Variants in ARSG observed in about 807,000 individuals in gnomAD.
ARSG encodes the protein ASG.
Under a neutral mutation model 50.5 loss-of-function variants are expected in ARSG, and 37 were observed. The observed-to-expected ratio is 0.73, with a 90% confidence interval of 0.56 to 0.96. The LOEUF (loss-of-function observed/expected upper bound fraction) is 0.96. Ranked by LOEUF, ARSG falls within the 50% of genes least tolerant of loss-of-function variation. The pLI, the probability that ARSG is intolerant of heterozygous loss-of-function variation, is 0.00. For missense variants in ARSG, 629 were observed against 675.3 expected (o/e 0.93, Z 0.76); for synonymous variants, 225 against 254.6 (o/e 0.88, Z 1.11).
At chr17:68,292,312 G>A (rs1337578488) in intron 1 of ARSG, among the ~76,000 whole-genome samples, 4 of 152,172 alleles carry the variant, frequency 2.6e-5, no homozygotes, top group Non-Finnish European at 5.9e-5. Context: ...TAAGGGACCT[G>A]GAGGTTTAGA....
At chr17:68,346,784 C>T (rs900136641) in intron 3 of ARSG, 19 of 1,309,838 alleles carry the variant, frequency 1.5e-5, no homozygotes, top group African/African-American at 3.0e-5. Context: ...GGCCCCAGCG[C>T]GGGAGGGCAA....
chr17:68,445,210 G>A, the ARSG span, among the ~76,000 whole-genome samples: 4 of 152,156 alleles, frequency 2.6e-5, no homozygotes, highest in South Asian at 2.1e-4. Flanking sequence ...CTGAGCCACC[G>A]CGTTCAACAG....
chr17:68,297,242 A>G (rs1319588225), intron 1 of ARSG, among the ~76,000 whole-genome samples: 2 of 152,200 alleles, frequency 1.3e-5, no homozygotes, highest in African/African-American at 4.8e-5. Context: ...CACGCATCCT[A>G]CATCTTGACC....
intron 1 of ARSG, among the ~76,000 whole-genome samples, chr17:68,297,365 G>C (rs1202002692): frequency 1.3e-5 from 2 of 152,208 alleles, no homozygotes; most frequent in African/African-American, 4.8e-5. Flanking sequence ...GTTTAGCCAA[G>C]ATGGCACAGA....
intron 11 of ARSG, among the ~76,000 whole-genome samples, chr17:68,407,275 T>G (rs569697493): frequency 6.6e-6 from 1 of 152,206 alleles, no homozygotes; most frequent in African/African-American, 2.4e-5. Context: ...GATTATGGCT[T>G]TATAGTATAG....
intron 1 of ARSG, among the ~76,000 whole-genome samples, chr17:68,294,517 G>A (rs1555757449): frequency 6.6e-6 from 1 of 152,106 alleles, no homozygotes; most frequent in African/African-American, 2.4e-5. Flanking sequence ...AGAGGGTCCC[G>A]CAAGCCTGCT....
intron 9 of ARSG, among the ~76,000 whole-genome samples, chr17:68,385,670 C>A (rs2080685709): frequency 6.6e-6 from 1 of 152,100 alleles, no homozygotes; most frequent in South Asian, 2.1e-4. Context: ...GTTTCACATA[C>A]ATCAGCATTG....
rs185038616 is a variant in ARSG at position 68,281,364 on chromosome 17, C to T, written c.-552+21938C>T. Among the ~76,000 whole-genome samples, 3 of 152,006 alleles carry T rather than the reference C, an allele frequency of 2.0e-5. No homozygotes were observed. In the East Asian group the frequency reaches 5.8e-4, roughly 30 times the overall value. ...CAGGTGGATCATGAGGTCAAGAGAT[C>T]GAGACCATCCTGGCCAACATAGTGA... On this transcript the variant is annotated intron_variant, in intron 1 of 11. Transcript: ENST00000448504.
At position 68,397,034 on chromosome 17, in the gene ARSG, A is replaced by T. The variant is rs577028887; in HGVS notation, c.1212+1841A>T. Among the ~76,000 whole-genome samples, 6 of 152,266 alleles carry T rather than the reference A, an allele frequency of 3.9e-5. No individual in the cohort carries two copies. The East Asian group carries it at 1.2e-3, about 29-fold the overall frequency. On this transcript the variant is annotated intron_variant, in intron 10 of 11. Coordinates refer to ENST00000621439, the MANE Select transcript of ARSG (RefSeq NM_001267727.2). ...GGGGTCATCAGGAAGTGCTTCAAGG[A>T]CTGTGCTCTCCTTGACGTTGTCGGT...
In ARSG at chr17:68,370,500, A is replaced by G. The variant is rs750508169; in HGVS notation, c.958A>G (p.Thr320Ala). The G allele has an allele frequency of 2.5e-6, 4 of 1,613,802 alleles. No individual in the cohort carries two copies. Among genetic ancestry groups the G allele is most frequent in the Non-Finnish European group, 3.4e-6 (4 of 1,179,980 alleles). ...GCTAGCGGGCAGTGTGGGTCCCTTC[A>G]CTGGATTTTGGCAAACTCGTCAAGG... Reference protein sequence around the residue: ...CELAGSVGPFTGFWQTRQGGS... With the variant: ...CELAGSVGPFAGFWQTRQGGS... Residue 320 changes from threonine (T) to alanine (A), a missense_variant, in exon 8 of 12, where the codon ACT becomes GCT. Transcript: ENST00000621439.
intron 1 of ARSG, among the ~76,000 whole-genome samples, chr17:68,265,159 AAAAAAAAAAAAAAG>A (rs1199322355): frequency 6.6e-6 from 1 of 150,414 alleles, no homozygotes; most frequent in African/African-American, 2.4e-5. Context: ...CATCTCAGAA[AAAAAAAAAAAAAAG>A]AAAAAAGAAA....
At position 68,385,066 on chromosome 17, in the gene ARSG, G is replaced by T; in HGVS notation, c.985G>T (p.Gly329Ter). Residue 329 changes from glycine to a stop codon, truncating the protein, a stop_gained and splice_region_variant, in exon 9 of 12, where the codon GGA becomes TGA. Coordinates refer to ENST00000621439, the MANE Select transcript of ARSG (RefSeq NM_001267727.2). LOFTEE classifies it high-confidence loss of function. ...AGCTGCCTCCCCTCCTCTCACAGGG[G>T]GAAGTCCAGCCAAGCAGACGACCTG... The part of the protein sequence containing the change: ...FTGFWQTRQG[G>*]SPAKQTTWEG... 6.2e-7 allele frequency: 1 copy of T among 1,613,902 alleles called. No individual in the cohort carries two copies. Among genetic ancestry groups the T allele is most frequent in the Non-Finnish European group, 8.5e-7 (1 of 1,179,858 alleles).
intron 2 of ARSG, among the ~76,000 whole-genome samples, chr17:68,331,213 CTTTCTTTCTTTCTTTCTTTG>C (rs879898233): frequency 0.096 from 3,926 of 40,946 alleles, 145 homozygotes; most frequent in African/African-American, 0.18. Flanking sequence ...TTCTTTCTTT[CTTTCTTTCTTTCTTTCTTTG>C]TTTCTTTCTT....
At chr17:68,298,717 T>A (rs1249512004) in intron 1 of ARSG, among the ~76,000 whole-genome samples, 1 of 152,148 alleles carries the variant, frequency 6.6e-6, no homozygotes, top group Admixed American at 6.6e-5. Flanking sequence ...CCAGTTTGGT[T>A]CCTGGTGAGG....
At chr17:68,322,207 C>T (rs551102119) in intron 2 of ARSG, among the ~76,000 whole-genome samples, 28 of 152,324 alleles carry the variant, frequency 1.8e-4, no homozygotes, top group African/African-American at 5.5e-4. Flanking sequence ...TGTTTGTTCA[C>T]CAGATATTGC....
intron 4 of ARSG, among the ~76,000 whole-genome samples, chr17:68,350,765 A>ACC (rs1471726491): frequency 2.0e-4 from 31 of 152,034 alleles, no homozygotes; most frequent in East Asian, 1.9e-3. Flanking sequence ...AGCCTGGGTG[A>ACC]CAGAGCGAGA....
intron 1 of ARSG, among the ~76,000 whole-genome samples, chr17:68,284,987 C>T (rs782487126): frequency 1.3e-5 from 2 of 152,148 alleles, no homozygotes; most frequent in African/African-American, 4.8e-5. Context: ...CAACAAAATA[C>T]CTATCAGGTG....
At chr17:68,350,648 GGTGGCACGTGCCTGTA>G (rs1390106502) in intron 4 of ARSG, among the ~76,000 whole-genome samples, 1 of 152,114 alleles carries the variant, frequency 6.6e-6, no homozygotes, top group East Asian at 1.9e-4. Context: ...AGCCGGGCGT[GGTGGCACGTGCCTGTA>G]GTCCCAGCTA....
At chr17:68,329,396 G>A (rs1013727537) in intron 2 of ARSG, among the ~76,000 whole-genome samples, 2 of 152,100 alleles carry the variant, frequency 1.3e-5, no homozygotes, top group African/African-American at 4.8e-5. Flanking sequence ...CCTTTCCAAG[G>A]ACCTCCACTG....
Sources: allele counts gnomAD v4.1 joint callset (sites outside exome capture counted in the v4.1 genomes callset), GRCh38; gene constraint gnomAD v4.1.1; transcripts MANE v1.5; gene names NCBI Gene and HGNC (gene_info 2026-07-23, HGNC 2026-07-21).